FGD6: variants seen among roughly 807,000 people sequenced by gnomAD.
FGD6 encodes the protein FYVE, RhoGEF and PH domain containing 6, also known as FYVE, RhoGEF and PH domain-containing protein 6.
Under a neutral mutation model 149.4 loss-of-function variants are expected in FGD6, and 90 were observed. That is an observed-to-expected ratio of 0.60 (90% CI 0.51 to 0.72). FGD6 has a LOEUF of 0.72. Among genes scored for constraint, FGD6 ranks in the 30% least tolerant of loss-of-function variants. The pLI, the probability that FGD6 is intolerant of heterozygous loss-of-function variation, is 0.00. For missense variants in FGD6, 1,437 were observed against 1,684.8 expected (o/e 0.85, Z 2.57); for synonymous variants, 527 against 584.0 (o/e 0.90, Z 1.41).
intron 20 of FGD6, among the ~76,000 whole-genome samples, chr12:95,083,012 AATATAT>A (rs1555215600): frequency 1.0e-4 from 2 of 20,018 alleles, no homozygotes; most frequent in Admixed American, 5.4e-4. Flanking sequence ...AAAAAAAAAA[AATATAT>A]ATATATATAT....
intron 9 of FGD6, among the ~76,000 whole-genome samples, chr12:95,111,709 T>C (rs1878828166): frequency 6.6e-6 from 1 of 152,148 alleles, no homozygotes; most frequent in African/African-American, 2.4e-5. Context: ...TTGTTCTTTA[T>C]TTGATGGATA....
chr12:95,089,197 G>A lies in FGD6; in HGVS notation c.3978+372C>T, dbSNP rs143731830. Among the ~76,000 whole-genome samples, 122 of 152,332 alleles carry A rather than the reference G, an allele frequency of 8.0e-4. 1 individual carries two copies. The highest frequency in any genetic ancestry group is 2.6e-3 in the African/African-American group (108 of 41,568). ...TATCAGCTGTGCATAACCAACCAAT[G>A]CCTACAAATAAACCGTGCAGATCAC... On this transcript the variant is annotated intron_variant, in intron 18 of 20. Transcript: ENST00000343958.
At chr12:95,126,999 A>G (rs1315165672) in intron 8 of FGD6, among the ~76,000 whole-genome samples, 1 of 152,104 alleles carries the variant, frequency 6.6e-6, no homozygotes, top group Non-Finnish European at 1.5e-5. Context: ...ATGAATTCTG[A>G]ATTCTGAGTT....
intron 2 of FGD6, among the ~76,000 whole-genome samples, chr12:95,174,302 A>G (rs1219829319): frequency 6.6e-6 from 1 of 152,222 alleles, no homozygotes; most frequent in African/African-American, 2.4e-5. Flanking sequence ...GACAGACTAT[A>G]GGATCCAACC....
At chr12:95,123,459 G>A (rs190689413) in intron 8 of FGD6, among the ~76,000 whole-genome samples, 1 of 152,148 alleles carries the variant, frequency 6.6e-6, no homozygotes, top group East Asian at 1.9e-4. Context: ...TTTTGACACA[G>A]ATCTCATGAT....
At chr12:95,154,890 C>A (rs116936039) in intron 3 of FGD6, among the ~76,000 whole-genome samples, 1 of 152,154 alleles carries the variant, frequency 6.6e-6, no homozygotes, top group Non-Finnish European at 1.5e-5. Context: ...TTCCCTGAGA[C>A]TCACTGTGAT....
chr12:95,126,723 T>A (rs1475742795), intron 8 of FGD6, among the ~76,000 whole-genome samples: 1 of 103,762 alleles, frequency 9.6e-6, no homozygotes. Context: ...AGAGTGAGAC[T>A]CAGTCTCAAA....
chr12:95,086,255 T>C (rs1375300662), intron 18 of FGD6, among the ~76,000 whole-genome samples: 4 of 152,180 alleles, frequency 2.6e-5, no homozygotes, highest in East Asian at 1.9e-4. Context: ...ATTTGGGGAC[T>C]TGGGGATTTG....
intron 18 of FGD6, among the ~76,000 whole-genome samples, chr12:95,086,801 C>T (rs1877885858): frequency 6.7e-6 from 1 of 150,272 alleles, no homozygotes; most frequent in Non-Finnish European, 1.5e-5. Flanking sequence ...CCGCCTTGGC[C>T]TCCCAAAGTG....
intron 14 of FGD6, among the ~76,000 whole-genome samples, 168 bp from the exon 15 acceptor site, chr12:95,094,862 C>G (rs1878187617): frequency 6.6e-6 from 1 of 152,160 alleles, no homozygotes; most frequent in Non-Finnish European, 1.5e-5. Context: ...ATCATCAGAA[C>G]AGACAACAGA....
chr12:95,130,420 C>T (rs906403703), intron 8 of FGD6, among the ~76,000 whole-genome samples: 1 of 152,148 alleles, frequency 6.6e-6, no homozygotes, highest in Non-Finnish European at 1.5e-5. Flanking sequence ...ACCACTCCTG[C>T]CTGCTCTTGT....
intron 8 of FGD6, among the ~76,000 whole-genome samples, chr12:95,120,314 A>G (rs561971947): frequency 6.6e-6 from 1 of 151,794 alleles, no homozygotes; most frequent in African/African-American, 2.4e-5. Context: ...GGGATCAGGG[A>G]GAATAATTTA....
intron 8 of FGD6, among the ~76,000 whole-genome samples, chr12:95,122,423 A>C (rs1239540254): frequency 2.6e-5 from 4 of 152,000 alleles, no homozygotes. Context: ...AGGCAGTTGG[A>C]TCACCTGAGG....
chr12:95,134,449 G>C (rs988573317), intron 8 of FGD6, among the ~76,000 whole-genome samples: 2 of 152,114 alleles, frequency 1.3e-5, no homozygotes, highest in African/African-American at 4.8e-5. Context: ...GTGAAATGAT[G>C]CACGGGTATG....
intron 14 of FGD6, among the ~76,000 whole-genome samples, chr12:95,103,886 T>C (rs1250363511): frequency 6.6e-6 from 1 of 152,172 alleles, no homozygotes; most frequent in Non-Finnish European, 1.5e-5. Flanking sequence ...CCTGGCTGTG[T>C]CAAATATGTA....
chr12:95,088,477 T>C (rs1877947418), intron 18 of FGD6, among the ~76,000 whole-genome samples: 1 of 152,200 alleles, frequency 6.6e-6, no homozygotes, highest in South Asian at 2.1e-4. Flanking sequence ...AAAGAGGAGT[T>C]TCTAAAAATA....
rs1029599852 is a variant in FGD6, at chr12:95,079,647, C to A, written c.*1873G>T. 6.6e-6 allele frequency: 1 copy of A among 152,046 alleles called. No individual in the cohort carries two copies. The highest frequency in any genetic ancestry group is 1.5e-5 in the Non-Finnish European group (1 of 68,022). 9.4% of individuals were successfully genotyped at this position (152,046 alleles called of 1,614,324 possible). On this transcript the variant is annotated 3_prime_UTR_variant, in exon 21 of 21. Coordinates refer to ENST00000343958, the MANE Select transcript of FGD6 (RefSeq NM_018351.4). ...ATCTTGATTATATAAAATTGAGCTA[C>A]AAAGAAATTTTAGTGTACCTGCTAT...
intron 3 of FGD6, 93 bp from the exon 4 acceptor site, chr12:95,153,086 G>C (rs1247141759): frequency 4.6e-6 from 5 of 1,081,896 alleles, no homozygotes; most frequent in South Asian, 1.3e-5. Context: ...TCTGATACTT[G>C]TAAGTTTCCT....
chr12:95,127,880 G>C (rs1330525912), intron 8 of FGD6, among the ~76,000 whole-genome samples: 1 of 152,082 alleles, frequency 6.6e-6, no homozygotes, highest in East Asian at 1.9e-4. Context: ...CTTATCAGAG[G>C]AATTTTAAAA....
Sources: allele counts gnomAD v4.1 joint callset (sites outside exome capture counted in the v4.1 genomes callset), GRCh38; gene constraint gnomAD v4.1.1; transcripts MANE v1.5; gene names NCBI Gene and HGNC (gene_info 2026-07-23, HGNC 2026-07-21).